Variants in SRGN observed in about 807,000 individuals in gnomAD.
SRGN encodes the protein serglycin.
In SRGN, 2 loss-of-function variants were observed where a neutral mutation model predicts 9.5. The ratio of observed to expected loss-of-function variants is 0.21; its 90% CI spans 0.09 to 0.66. The LOEUF (loss-of-function observed/expected upper bound fraction) is 0.66. Among genes scored for constraint, SRGN ranks in the 30% least tolerant of loss-of-function variants. The pLI, the probability that SRGN is intolerant of heterozygous loss-of-function variation, is 0.83. For missense variants in SRGN, 170 were observed against 192.4 expected (o/e 0.88, Z 0.69); for synonymous variants, 59 against 72.3 (o/e 0.82, Z 0.93).
At chr10:69,099,192 G>A (rs1473728300) in intron 2 of SRGN, among the ~76,000 whole-genome samples, 2 of 151,946 alleles carry the variant, frequency 1.3e-5, no homozygotes, top group African/African-American at 4.8e-5. Flanking sequence ...TATCATAAAA[G>A]TTTTAATCTC....
chr10:69,101,294 C>T (rs1840285517), intron 2 of SRGN, among the ~76,000 whole-genome samples: 1 of 152,116 alleles, frequency 6.6e-6, no homozygotes. Context: ...TATTGCTAAT[C>T]TCTGGGTTAC....
intron 1 of SRGN, among the ~76,000 whole-genome samples, chr10:69,088,746 C>G (rs1839991593): frequency 6.8e-6 from 1 of 147,926 alleles, no homozygotes; most frequent in South Asian, 2.1e-4. Flanking sequence ...AAACTTGGTT[C>G]TTACTGAAAA....
intron 2 of SRGN, among the ~76,000 whole-genome samples, chr10:69,099,864 G>A (rs183895338): frequency 2.1e-4 from 32 of 152,284 alleles, no homozygotes; most frequent in Non-Finnish European, 3.7e-4. Flanking sequence ...TTGGGAGACT[G>A]AGGTGGGAGA....
In SRGN at chr10:69,104,569, G is replaced by A. The variant is rs533848533; in HGVS notation, c.*449G>A. On this transcript the variant is annotated 3_prime_UTR_variant, in exon 3 of 3. Transcript: ENST00000242465. ...AAACACAGTGAATTTGTAGAGTGGG[G>A]GTATTTGACATATTTTACAGGGTGG... is the stretch of plus-strand genomic sequence containing the variant. 247 of 155,418 alleles carry A rather than the reference G, an allele frequency of 1.6e-3. 9 individuals are homozygous for A. The South Asian group carries it at 0.046, about 29-fold the overall frequency. 9.6% of individuals were successfully genotyped at this position (155,418 alleles called of 1,614,324 possible).
At chr10:69,091,909 G>GAAA (rs1208815472) in intron 1 of SRGN, among the ~76,000 whole-genome samples, 1 of 62,024 alleles carries the variant, frequency 1.6e-5, no homozygotes, top group Non-Finnish European at 3.2e-5. Flanking sequence ...AAAAAAAAAA[G>GAAA]AAAAAGAAAA....
chr10:69,089,160 T>G (rs1840000830), intron 1 of SRGN, among the ~76,000 whole-genome samples: 1 of 152,242 alleles, frequency 6.6e-6, no homozygotes, highest in Admixed American at 6.5e-5. Context: ...GTCATGATCT[T>G]ACTTCCGGTG....
chr10:69,101,504 T>C (rs982449198), intron 2 of SRGN, among the ~76,000 whole-genome samples: 4 of 152,200 alleles, frequency 2.6e-5, no homozygotes, highest in African/African-American at 7.2e-5. Flanking sequence ...GAACTCAGTG[T>C]CTTCTTCCCA....
intron 2 of SRGN, among the ~76,000 whole-genome samples, chr10:69,103,609 C>A (rs1840332740): frequency 1.3e-5 from 2 of 152,074 alleles, no homozygotes; most frequent in South Asian, 4.2e-4. Flanking sequence ...CTAGTGATAA[C>A]AAAATTAACA....
chr10:69,104,224 AACAT>A lies in SRGN; in HGVS notation c.*105_*108del, dbSNP rs536081757. On this transcript the variant is annotated 3_prime_UTR_variant, in exon 3 of 3. Coordinates refer to ENST00000242465, the MANE Select transcript of SRGN (RefSeq NM_002727.4). Reference sequence around the variant, plus strand: ...ACAAAGAATTTTATAGAAATTTTTAAACATCTGAAAAAGAAGCTTAAGTTTTATC... The same window carrying A: ...ACAAAGAATTTTATAGAAATTTTTAACTGAAAAAGAAGCTTAAGTTTTATC... 136 of 1,428,800 alleles carry A rather than the reference AACAT, an allele frequency of 9.5e-5. No individual in the cohort carries two copies. The African/African-American group carries it at 1.8e-3, about 19-fold the overall frequency. The allele number at this position is 1,428,800 out of a possible 1,614,324, so 88.5% of individuals were successfully genotyped here.
At chr10:69,098,827 A>C (rs1341569042) in intron 2 of SRGN, 2 of 151,918 alleles carry the variant, frequency 1.3e-5, no homozygotes, top group Non-Finnish European at 2.9e-5. Context: ...AGGCATAGTG[A>C]TGTGCACCTG....
At chr10:69,100,509 TTCC>T (rs552649146) in intron 2 of SRGN, among the ~76,000 whole-genome samples, 109 of 152,244 alleles carry the variant, frequency 7.2e-4, no homozygotes, top group African/African-American at 2.4e-3. Context: ...TTGCACACCA[TTCC>T]TCCTCTTCTC....
intron 1 of SRGN, among the ~76,000 whole-genome samples, chr10:69,093,599 C>T (rs1317964480): frequency 2.0e-5 from 3 of 152,134 alleles, no homozygotes; most frequent in Non-Finnish European, 4.4e-5. Flanking sequence ...GAAACCAGGC[C>T]GGGCGCGGTG....
In SRGN at chr10:69,104,186, G is replaced by A; in HGVS notation, c.*66G>A. The A allele has an allele frequency of 6.5e-7, 1 of 1,528,838 alleles. No homozygotes were observed. The highest frequency in any genetic ancestry group is 8.8e-7 in the Non-Finnish European group (1 of 1,134,910). 94.7% of individuals were successfully genotyped at this position (1,528,838 alleles called of 1,614,324 possible). A position where few individuals can be genotyped will look rare whatever the true frequency, so the allele number is the denominator to read the frequency against. On this transcript the variant is annotated 3_prime_UTR_variant, in exon 3 of 3. Coordinates refer to ENST00000242465, the MANE Select transcript of SRGN (RefSeq NM_002727.4). ...CATATTTTATGTACCATGGTTATAT[G>A]ATTAATCTTGGGACAAAGAATTTTA...
At chr10:69,099,007 G>T (rs1257814292) in intron 2 of SRGN, among the ~76,000 whole-genome samples, 1 of 151,906 alleles carries the variant, frequency 6.6e-6, no homozygotes, top group African/African-American at 2.4e-5. Flanking sequence ...GCCAAGACTT[G>T]TAAAACAAAA....
upstream of SRGN, chr10:69,087,991 T>G: frequency 3.3e-6 from 2 of 612,068 alleles, no homozygotes; most frequent in Non-Finnish European, 2.9e-6. Context: ...CCCCTTTCTT[T>G]CTGGGTTTTG....
At chr10:69,093,978 G>A (rs189542874) in intron 1 of SRGN, among the ~76,000 whole-genome samples, 177 of 152,306 alleles carry the variant, frequency 1.2e-3, no homozygotes, top group African/African-American at 4.1e-3. Flanking sequence ...GTTCACTCTC[G>A]GAGATCATAG....
At chr10:69,101,454 T>A (rs1840289409) in intron 2 of SRGN, among the ~76,000 whole-genome samples, 1 of 152,170 alleles carries the variant, frequency 6.6e-6, no homozygotes, top group African/African-American at 2.4e-5. Context: ...CCTTTTCCCA[T>A]GCATCTTCTC....
chr10:69,099,177 A>C (rs1840238857), intron 2 of SRGN, among the ~76,000 whole-genome samples: 1 of 152,184 alleles, frequency 6.6e-6, no homozygotes, highest in Non-Finnish European at 1.5e-5. Flanking sequence ...TATTAAGAAA[A>C]GGATTATCAT....
chr10:69,101,374 T>A (rs1840287226), intron 2 of SRGN, among the ~76,000 whole-genome samples: 1 of 152,170 alleles, frequency 6.6e-6, no homozygotes, highest in Non-Finnish European at 1.5e-5. Context: ...GTGTTAAATA[T>A]CTGGAGAAGT....
Sources: gnomAD v4.1 joint callset for allele counts (sites outside exome capture counted in the v4.1 genomes callset) on GRCh38, gnomAD v4.1.1 for gene constraint, MANE v1.5 for transcripts, NCBI Gene and HGNC (gene_info 2026-07-23, HGNC 2026-07-21) for gene names.